Variants in THRB observed in about 807,000 individuals in gnomAD.
THRB encodes the protein nuclear receptor subfamily 1 group A member 2.
In THRB, 12 loss-of-function variants were observed where a neutral mutation model predicts 47.8. The ratio of observed to expected loss-of-function variants is 0.25; its 90% CI spans 0.16 to 0.41. THRB has a LOEUF of 0.41. Among genes scored for constraint, THRB ranks in the 10% least tolerant of loss-of-function variants. The pLI is 1.00. For missense variants in THRB, 348 were observed against 589.2 expected, an observed-to-expected ratio of 0.59 and a Z score of 4.24; for synonymous variants, 218 against 212.2, an observed-to-expected ratio of 1.03 and a Z score of -0.24.
chr3:24,438,535 G>A (rs2071213262), intron 1 of THRB, among the ~76,000 whole-genome samples: 1 of 151,512 alleles, frequency 6.6e-6, no homozygotes, highest in African/African-American at 2.4e-5. Flanking sequence ...GTGTGTGTGT[G>A]TGCACATGCA....
At chr3:24,381,135 A>G (rs1178843000) in intron 1 of THRB, among the ~76,000 whole-genome samples, 1 of 149,762 alleles carries the variant, frequency 6.7e-6, no homozygotes, top group African/African-American at 2.4e-5. Context: ...AAAAAAAATT[A>G]CCATTTCTAA....
intron 1 of THRB, among the ~76,000 whole-genome samples, chr3:24,484,652 T>A (rs193127426): frequency 3.9e-4 from 60 of 152,314 alleles, no homozygotes; most frequent in African/African-American, 1.2e-3. Flanking sequence ...CATCGCCTGT[T>A]TTGTAAACAA....
chr3:24,357,363 A>AC (rs1439857167), intron 1 of THRB, among the ~76,000 whole-genome samples: 44 of 147,774 alleles, frequency 3.0e-4, no homozygotes, highest in South Asian at 2.7e-3. Context: ...AAAAAAAAAA[A>AC]AAAAAAAAAA....
chr3:24,235,433 C>A (rs1354199871), intron 3 of THRB, among the ~76,000 whole-genome samples: 1 of 152,144 alleles, frequency 6.6e-6, no homozygotes, highest in East Asian at 1.9e-4. Context: ...CATCATCAAC[C>A]TTTTGTGGCC....
intron 4 of THRB, among the ~76,000 whole-genome samples, chr3:24,212,089 C>T (rs2046088373): frequency 6.6e-6 from 1 of 152,084 alleles, no homozygotes; most frequent in Admixed American, 6.6e-5. Context: ...CATGGTGAAA[C>T]CCTGTCTCTA....
Position 24,122,031 on chromosome 3 carries a change from G to C in THRB, c.*853C>G, listed in dbSNP as rs796395140. 7 of 152,768 alleles carry C rather than the reference G, an allele frequency of 4.6e-5. No individual in the cohort carries two copies. The highest frequency in any genetic ancestry group is 1.7e-4 in the African/African-American group (7 of 41,558). The allele number at this position is 152,768 out of a possible 1,614,324, so 9.5% of individuals were successfully genotyped here. A position where few individuals can be genotyped will look rare whatever the true frequency, so the allele number is the denominator to read the frequency against. On this transcript the variant is annotated 3_prime_UTR_variant, in exon 11 of 11. Coordinates refer to ENST00000646209, the MANE Select transcript of THRB (RefSeq NM_001354712.2). ...GGGAGATGACAGATCAGATGCCACA[G>C]AAAAGGGGTGCCACCCTGTAAATAG...
In THRB at chr3:24,166,355, C is replaced by T. The variant is rs904929459; in HGVS notation, c.284-13865G>A. Among the ~76,000 whole-genome samples the T allele has an allele frequency of 6.9e-4, 105 of 152,104 alleles. 1 individual carries two copies. Among genetic ancestry groups the T allele is most frequent in the Admixed American group, 5.9e-3 (90 of 15,242 alleles). ...CTTAACAGTACTCTGATCAGTAGTG[C>T]GTGGAAAACTGTAAACACTTACCAC... On this transcript the variant is annotated intron_variant, in intron 5 of 10. Coordinates refer to ENST00000646209, the MANE Select transcript of THRB (RefSeq NM_001354712.2).
intron 4 of THRB, among the ~76,000 whole-genome samples, chr3:24,216,315 A>C (rs1196199318): frequency 6.6e-6 from 1 of 152,196 alleles, no homozygotes; most frequent in East Asian, 1.9e-4. Context: ...TCAGATGTTA[A>C]AAATATGAAT....
At chr3:24,280,737 C>G (rs2054486712) in intron 3 of THRB, among the ~76,000 whole-genome samples, 1 of 151,860 alleles carries the variant, frequency 6.6e-6, no homozygotes, top group East Asian at 1.9e-4. Flanking sequence ...CAGAGAAGTG[C>G]TTAAAGGAGC....
chr3:24,437,369 C>T (rs946383904), intron 1 of THRB, among the ~76,000 whole-genome samples: 1 of 151,654 alleles, frequency 6.6e-6, no homozygotes, highest in Admixed American at 6.6e-5. Context: ...ATTGGTGGTT[C>T]CCAGAGGCTG....
chr3:24,274,521 G>T (rs2053699022), intron 3 of THRB, among the ~76,000 whole-genome samples: 1 of 152,076 alleles, frequency 6.6e-6, no homozygotes, highest in African/African-American at 2.4e-5. Flanking sequence ...ACTTTTTATA[G>T]CCTTTGTAAT....
chr3:24,391,483 A>G (rs1157161888), intron 1 of THRB, among the ~76,000 whole-genome samples: 1 of 152,164 alleles, frequency 6.6e-6, no homozygotes, highest in Non-Finnish European at 1.5e-5. Context: ...TTTTGAAACT[A>G]GAATCTTCAT....
At chr3:24,451,585 T>C (rs1347848251) in intron 1 of THRB, among the ~76,000 whole-genome samples, 1 of 152,160 alleles carries the variant, frequency 6.6e-6, no homozygotes, top group African/African-American at 2.4e-5. Context: ...GAAGGAAGCA[T>C]TCCTGGTTCA....
At chr3:24,228,232 A>G (rs1384570810) in intron 4 of THRB, among the ~76,000 whole-genome samples, 2 of 152,140 alleles carry the variant, frequency 1.3e-5, no homozygotes, top group African/African-American at 2.4e-5. Context: ...GTGTACAACC[A>G]TCGCTCTATA....
intron 5 of THRB, 100 bp downstream of exon 5, chr3:24,189,974 A>G: frequency 8.4e-7 from 1 of 1,184,444 alleles, no homozygotes; most frequent in Non-Finnish European, 1.3e-6. Context: ...ATGGGACACC[A>G]TACATTGGAA....
intron 1 of THRB, among the ~76,000 whole-genome samples, chr3:24,485,174 A>C (rs1312067839): frequency 6.6e-6 from 1 of 152,242 alleles, no homozygotes; most frequent in Non-Finnish European, 1.5e-5. Flanking sequence ...AGGCATGTAC[A>C]TACAATGGCA....
At position 24,165,078 on chromosome 3, in the gene THRB, C is replaced by T. The variant is rs776637599; in HGVS notation, c.284-12588G>A. On this transcript the variant is annotated intron_variant, in intron 5 of 10. Coordinates refer to ENST00000646209, the MANE Select transcript of THRB (RefSeq NM_001354712.2). ...TGCACTTGAGAAAAAGTAGGCTTTT[C>T]TTCAGTGAAATATTCAGGTTGGCTG... 3 of 764,508 alleles carry T rather than the reference C, an allele frequency of 3.9e-6. No homozygotes were observed. The South Asian group carries it at 4.0e-5, about 10-fold the overall frequency. 47.4% of individuals were successfully genotyped at this position (764,508 alleles called of 1,614,324 possible). A position where few individuals can be genotyped will look rare whatever the true frequency, so the allele number is the denominator to read the frequency against.
At chr3:24,309,285 T>C (rs916115200) in intron 2 of THRB, among the ~76,000 whole-genome samples, 5 of 152,222 alleles carry the variant, frequency 3.3e-5, no homozygotes, top group Non-Finnish European at 7.3e-5. Context: ...GCAACAATAG[T>C]TTGACAAAAC....
At chr3:24,183,049 A>G (rs2042104941) in intron 5 of THRB, among the ~76,000 whole-genome samples, 1 of 152,102 alleles carries the variant, frequency 6.6e-6, no homozygotes. Flanking sequence ...TTAAAGTTTT[A>G]AATTTTAAAA....
Sources: gnomAD v4.1 joint callset for allele counts (sites outside exome capture counted in the v4.1 genomes callset) on GRCh38, gnomAD v4.1.1 for gene constraint, MANE v1.5 for transcripts, NCBI Gene and HGNC (gene_info 2026-07-23, HGNC 2026-07-21) for gene names.